Variants in STARD5 observed in about 807,000 individuals in gnomAD.
STARD5 encodes StAR related lipid transfer domain containing 5, also known as stAR-related lipid transfer protein 5.
STARD5 carries 26 observed loss-of-function variants against 24.6 expected under a neutral mutation model. That is an observed-to-expected ratio of 1.06 (90% CI 0.77 to 1.47). The LOEUF is 1.47. Among genes scored for constraint, STARD5 ranks in the 40% most tolerant of loss-of-function variants. STARD5 has a pLI of 0.00. For missense variants in STARD5, 254 were observed against 270.8 expected (o/e 0.94, Z 0.44); for synonymous variants, 101 against 99.7 (o/e 1.01, Z -0.07).
Position 81,318,753 on chromosome 15 carries a change from C to A in STARD5, c.401-251G>T, listed in dbSNP as rs1371341247. Among the ~76,000 whole-genome samples the A allele has an allele frequency of 2.0e-5, 3 of 152,212 alleles. No homozygotes were observed. The East Asian group carries it at 5.8e-4, about 29-fold the overall frequency. ...ACACACTTGCACTCACACACACTCA[C>A]TCATCCACATTCACACATAAACATG... On this transcript the variant is annotated intron_variant, in intron 4 of 5. Transcript: ENST00000302824.
Position 81,313,225 on chromosome 15 carries a change from G to A in STARD5, c.*31C>T, listed in dbSNP as rs375012991. ...CAGCTGGAGCTCCTCGATGAGTCACGGGAGTTCTTTGCCAAGAAGTAACGA... is the reference window on the plus strand; with the variant it reads ...CAGCTGGAGCTCCTCGATGAGTCACAGGAGTTCTTTGCCAAGAAGTAACGA... On this transcript the variant is annotated 3_prime_UTR_variant, in exon 6 of 6. Transcript: ENST00000302824. The A allele has an allele frequency of 1.1e-4, 161 of 1,513,194 alleles. 1 individual carries two copies. Among genetic ancestry groups the A allele is most frequent in the Admixed American group, 1.2e-4 (6 of 48,646 alleles). 93.7% of individuals were successfully genotyped at this position (1,513,194 alleles called of 1,614,324 possible).
In STARD5 at chr15:81,313,172, C is replaced by G; in HGVS notation, c.*84G>C. On this transcript the variant is annotated 3_prime_UTR_variant, in exon 6 of 6. Transcript: ENST00000302824. ...TCCAAAGAGTGAACACAGGCCTCTGCGTGCTCCCAGGCTCCTTGGTGTCCC... is the reference window on the plus strand; with the variant it reads ...TCCAAAGAGTGAACACAGGCCTCTGGGTGCTCCCAGGCTCCTTGGTGTCCC... 2 of 1,420,264 alleles carry G rather than the reference C, an allele frequency of 1.4e-6. No homozygotes were observed. The highest frequency in any genetic ancestry group is 3.2e-5 in the South Asian group (2 of 63,002). 88.0% of individuals were successfully genotyped at this position (1,420,264 alleles called of 1,614,324 possible). A position where few individuals can be genotyped will look rare whatever the true frequency, so the allele number is the denominator to read the frequency against.
intron 3 of STARD5, among the ~76,000 whole-genome samples, chr15:81,320,364 G>A (rs1469268648): frequency 6.6e-6 from 1 of 152,082 alleles, no homozygotes; most frequent in Non-Finnish European, 1.5e-5. Flanking sequence ...GGGCACTTGA[G>A]CACTTTGCAA....
At chr15:81,316,819 G>A (rs1401418074) in intron 5 of STARD5, among the ~76,000 whole-genome samples, 1 of 152,160 alleles carries the variant, frequency 6.6e-6, no homozygotes, top group Non-Finnish European at 1.5e-5. Context: ...TTAATCAAGT[G>A]GAGAGGAGTT....
intron 3 of STARD5, among the ~76,000 whole-genome samples, chr15:81,321,216 G>A (rs1297416050): frequency 6.6e-6 from 1 of 152,000 alleles, no homozygotes; most frequent in Non-Finnish European, 1.5e-5. Context: ...ATCTAAAGAC[G>A]CAAAATGTTT....
chr15:81,319,502 C>A (rs369809621), intron 3 of STARD5, 46 bp from the exon 4 acceptor site: 141 of 1,525,612 alleles, frequency 9.2e-5, no homozygotes, highest in Non-Finnish European at 1.2e-4. Flanking sequence ...GGCCAGACAT[C>A]TTCTCCCAAC....
chr15:81,316,617 T>TA (rs1901087848), intron 5 of STARD5, among the ~76,000 whole-genome samples: 2 of 152,248 alleles, frequency 1.3e-5, no homozygotes, highest in Admixed American at 6.5e-5. Flanking sequence ...TGACACACAG[T>TA]AATGCTGTAT....
intron 4 of STARD5, among the ~76,000 whole-genome samples, 154 bp from the exon 5 acceptor site, chr15:81,318,656 C>G (rs1901132617): frequency 6.6e-6 from 1 of 152,188 alleles, no homozygotes; most frequent in African/African-American, 2.4e-5. Context: ...TACTCCCACC[C>G]TACTGCCCCT....
intron 5 of STARD5, 114 bp downstream of exon 5, chr15:81,318,295 A>G: frequency 1.2e-6 from 1 of 829,934 alleles, no homozygotes; most frequent in Non-Finnish European, 2.1e-6. Flanking sequence ...AAAGAGCTAT[A>G]AGGCATTTTT....
chr15:81,318,539 T>C, intron 4 of STARD5, 37 bp from the exon 5 acceptor site: 1 of 1,581,184 alleles, frequency 6.3e-7, no homozygotes, highest in Non-Finnish European at 8.7e-7. Flanking sequence ...AGTTACAACT[T>C]CAGACGGTCA....
At chr15:81,320,888 A>G (rs1156436567) in intron 3 of STARD5, among the ~76,000 whole-genome samples, 2 of 152,242 alleles carry the variant, frequency 1.3e-5, no homozygotes, top group African/African-American at 4.8e-5. Context: ...TAAATGCGAC[A>G]AACTCATGGC....
chr15:81,310,169 TGTG>T lies in STARD5; in HGVS notation c.*3084_*3086del, dbSNP rs1900779838. The T allele has an allele frequency of 6.6e-6, 1 of 152,214 alleles. No homozygotes were observed. The highest frequency in any genetic ancestry group is 1.5e-5 in the Non-Finnish European group (1 of 68,046). The allele number at this position is 152,214 out of a possible 1,614,324, so 9.4% of individuals were successfully genotyped here. A position where few individuals can be genotyped will look rare whatever the true frequency, so the allele number is the denominator to read the frequency against. The stretch of plus-strand genomic sequence containing the variant: ...AGCCCCTGATCCTGTGAAGTAAGGA[TGTG>T]GGGGAAGACCTGGCAAGGACACAGA... On this transcript the variant is annotated 3_prime_UTR_variant, in exon 6 of 6. Transcript: ENST00000302824.
chr15:81,311,108 T>C lies in STARD5; in HGVS notation c.*2148A>G, dbSNP rs1900830899. 1 of 152,374 alleles carries C rather than the reference T, an allele frequency of 6.6e-6. No homozygotes were observed. The highest frequency in any genetic ancestry group is 1.5e-5 in the Non-Finnish European group (1 of 68,056). 9.4% of individuals were successfully genotyped at this position (152,374 alleles called of 1,614,324 possible). ...CTCATCCATTTGCGTTCCATGATGC[T>C]GGGATTTACACTTGAGGCTTAGCTT... On this transcript the variant is annotated 3_prime_UTR_variant, in exon 6 of 6. Transcript: ENST00000302824.
rs576746075 is a variant in STARD5 at position 81,324,127 on chromosome 15, G to A, written c.-28C>T. 8.3e-6 allele frequency: 11 copies of A among 1,319,368 alleles called. No individual in the cohort carries two copies. The African/African-American group carries it at 1.5e-4, about 18-fold the overall frequency. The allele number at this position is 1,319,368 out of a possible 1,614,324, so 81.7% of individuals were successfully genotyped here. A position where few individuals can be genotyped will look rare whatever the true frequency, so the allele number is the denominator to read the frequency against. The stretch of plus-strand genomic sequence containing the variant: ...CGTCGGGAGCTGCGCTTAGCTGCGG[G>A]GTCGCGGGTGTTATGAGCGGCGGCG... On this transcript the variant is annotated 5_prime_UTR_variant, in exon 1 of 6. Coordinates refer to ENST00000302824, the MANE Select transcript of STARD5 (RefSeq NM_181900.3).
At chr15:81,314,066 T>C (rs915690926) in intron 5 of STARD5, 9 of 152,196 alleles carry the variant, frequency 5.9e-5, no homozygotes, top group South Asian at 4.1e-4. Context: ...TAACATGCAG[T>C]GCATTTTTAT....
At chr15:81,316,664 G>A (rs372595003) in intron 5 of STARD5, among the ~76,000 whole-genome samples, 3 of 152,300 alleles carry the variant, frequency 2.0e-5, no homozygotes, top group East Asian at 3.9e-4. Context: ...ATTATTGTCT[G>A]CTGAATCTAG....
rs1567056878 is a variant in STARD5 at position 81,322,529 on chromosome 15, TCTC to T, written c.158_160del (p.Gly53del). ...CTCTAGTGTCCCATATACAATGCCT[TCTC>T]CTCGGTACCTGGAGCACGAAAAGGA... On this transcript the variant is annotated inframe_deletion, in exon 3 of 6. Transcript: ENST00000302824. 6.2e-7 allele frequency: 1 copy of T among 1,614,102 alleles called. No individual in the cohort carries two copies. The highest frequency in any genetic ancestry group is 8.5e-7 in the Non-Finnish European group (1 of 1,180,028).
intron 4 of STARD5, 84 bp from the exon 5 acceptor site, chr15:81,318,586 C>A: frequency 1.6e-6 from 2 of 1,235,244 alleles, no homozygotes; most frequent in South Asian, 2.6e-5. Context: ...GCACACAGAC[C>A]AGACTACCTG....
intron 5 of STARD5, among the ~76,000 whole-genome samples, chr15:81,314,643 T>A (rs1171698268): frequency 6.6e-6 from 1 of 151,970 alleles, no homozygotes; most frequent in Non-Finnish European, 1.5e-5. Context: ...CCAGCACCTT[T>A]GGGAGGTCGA....
Sources: allele counts gnomAD v4.1 joint callset (sites outside exome capture counted in the v4.1 genomes callset), GRCh38; gene constraint gnomAD v4.1.1; transcripts MANE v1.5; gene names NCBI Gene and HGNC (gene_info 2026-07-23, HGNC 2026-07-21).